Variants in ANKS1B observed in about 807,000 individuals in gnomAD.
The protein encoded by ANKS1B is ankyrin repeat and sterile alpha motif domain-containing protein 1B.
ANKS1B carries 36 observed loss-of-function variants against 148.3 expected under a neutral mutation model. The ratio of observed to expected loss-of-function variants is 0.24; its 90% CI spans 0.19 to 0.32. The LOEUF is 0.32. Among genes scored for constraint, ANKS1B ranks in the 10% least tolerant of loss-of-function variants. ANKS1B has a pLI of 1.00. For synonymous variants in ANKS1B, 542 were observed against 560.8 expected (o/e 0.97, Z 0.47); for missense variants, 1,157 against 1,542.6 (o/e 0.75, Z 4.19).
intron 1 of ANKS1B, among the ~76,000 whole-genome samples, chr12:99,901,131 A>G (rs2093584340): frequency 6.6e-6 from 1 of 152,214 alleles, no homozygotes; most frequent in Non-Finnish European, 1.5e-5. Flanking sequence ...ATACCAAGAA[A>G]ACCAAATGCT....
chr12:99,524,256 G>T (rs940411065), intron 9 of ANKS1B, among the ~76,000 whole-genome samples: 1 of 152,176 alleles, frequency 6.6e-6, no homozygotes, highest in Admixed American at 6.5e-5. Context: ...GATACTTTAG[G>T]TGGGAGCAAA....
chr12:99,428,991 A>T (rs1226403441), intron 11 of ANKS1B, among the ~76,000 whole-genome samples: 1 of 152,318 alleles, frequency 6.6e-6, no homozygotes, highest in African/African-American at 2.4e-5. Flanking sequence ...CAATAATAAT[A>T]ATAATGGAGT....
chr12:99,066,773 C>T (rs1347887394), intron 16 of ANKS1B, among the ~76,000 whole-genome samples: 1 of 152,108 alleles, frequency 6.6e-6, no homozygotes, highest in East Asian at 1.9e-4. Flanking sequence ...GACGGTAGAC[C>T]AGCATAATTT....
intron 11 of ANKS1B, among the ~76,000 whole-genome samples, chr12:99,442,419 A>G (rs2095564046): frequency 6.6e-6 from 1 of 151,872 alleles, no homozygotes; most frequent in Non-Finnish European, 1.5e-5. Context: ...CTGAACCTGC[A>G]TATTCCATAC....
Position 99,821,247 on chromosome 12 carries a change from T to C in ANKS1B, c.215+4062A>G, listed in dbSNP as rs1428185706. ...CACACAACTAGCAGAGATGGGGAGA[T>C]GGGGTTAGAATCTTCCTGCTTTTTC... On this transcript the variant is annotated intron_variant, in intron 2 of 26. Coordinates refer to ENST00000683438, the MANE Select transcript of ANKS1B (RefSeq NM_001352186.2). Among the ~76,000 whole-genome samples, 2 of 151,858 alleles carry C rather than the reference T, an allele frequency of 1.3e-5. 1 individual carries two copies. The highest frequency in any genetic ancestry group is 4.1e-4 in the South Asian group (2 of 4,824).
intron 1 of ANKS1B, among the ~76,000 whole-genome samples, chr12:99,951,562 C>T (rs747165698): frequency 1.6e-4 from 25 of 152,214 alleles, no homozygotes; most frequent in Non-Finnish European, 2.9e-4. Context: ...CTGGGGTAGG[C>T]TGGCTGTTAG....
intron 9 of ANKS1B, among the ~76,000 whole-genome samples, chr12:99,534,870 C>T (rs1223089238): frequency 6.6e-6 from 1 of 151,760 alleles, no homozygotes; most frequent in Non-Finnish European, 1.5e-5. Flanking sequence ...CCACCACACC[C>T]GGCTGATTTT....
chr12:99,905,024 T>C (rs912077156), intron 1 of ANKS1B, among the ~76,000 whole-genome samples: 16 of 152,348 alleles, frequency 1.1e-4, no homozygotes, highest in Admixed American at 6.5e-4. Flanking sequence ...TTTAATATGA[T>C]GCTATTTCCA....
At chr12:99,531,888 T>C (rs552552874) in intron 9 of ANKS1B, among the ~76,000 whole-genome samples, 2 of 152,362 alleles carry the variant, frequency 1.3e-5, no homozygotes, top group African/African-American at 4.8e-5. Context: ...TTTTTGAAAA[T>C]GGCCATTCTG....
chr12:99,114,706 C>T (rs118016700), intron 15 of ANKS1B, among the ~76,000 whole-genome samples: 17 of 151,790 alleles, frequency 1.1e-4, no homozygotes, highest in Admixed American at 5.2e-4. Flanking sequence ...GAGCCGAGAC[C>T]GTACCACTGT....
intron 5 of ANKS1B, among the ~76,000 whole-genome samples, chr12:99,781,580 A>G (rs2064329808): frequency 1.3e-5 from 2 of 152,228 alleles, no homozygotes; most frequent in African/African-American, 4.8e-5. Flanking sequence ...TGAACTAACT[A>G]GAAGGACAAT....
chr12:99,204,675 C>G (rs186447638), intron 14 of ANKS1B, among the ~76,000 whole-genome samples: 1 of 152,132 alleles, frequency 6.6e-6, no homozygotes, highest in Non-Finnish European at 1.5e-5. Context: ...TCTGTTTTGA[C>G]GATTCCCCCC....
chr12:99,163,607 A>G (rs1388774490), intron 14 of ANKS1B, among the ~76,000 whole-genome samples: 1 of 151,866 alleles, frequency 6.6e-6, no homozygotes, highest in Admixed American at 6.6e-5. Context: ...ACTTTTTTTT[A>G]TGGCCATAGC....
intron 10 of ANKS1B, among the ~76,000 whole-genome samples, chr12:99,466,066 A>C (rs2096106024): frequency 6.6e-6 from 1 of 152,212 alleles, no homozygotes; most frequent in African/African-American, 2.4e-5. Flanking sequence ...AATGTAAAAA[A>C]ACAGAAATTA....
chr12:99,917,223 C>T lies in ANKS1B; in HGVS notation c.134+66881G>A, dbSNP rs575948923. ...GATACAAGGAGGTCTGAGAAGGAGG[C>T]ATGTGGATGACCCTATAGGTGTGAA... On this transcript the variant is annotated intron_variant, in intron 1 of 26. Transcript: ENST00000683438. 7.2e-5 allele frequency among the ~76,000 whole-genome samples: 11 copies of T among 152,310 alleles called. No individual in the cohort carries two copies. The East Asian group carries it at 2.1e-3, about 29-fold the overall frequency.
chr12:99,687,820 GATTT>G (rs766413857), intron 8 of ANKS1B, among the ~76,000 whole-genome samples: 33 of 152,126 alleles, frequency 2.2e-4, no homozygotes, highest in Non-Finnish European at 4.4e-4. Context: ...TGTTTCTACT[GATTT>G]ATTTATTTTT....
rs561817078 is a variant in ANKS1B at position 99,653,459 on chromosome 12, A to G, written c.1272+1608T>C. On this transcript the variant is annotated intron_variant, in intron 9 of 26. Coordinates refer to ENST00000683438, the MANE Select transcript of ANKS1B (RefSeq NM_001352186.2). ...AGTTAAGGGTAAGCTAATAAAATAC[A>G]ACTTATGCTTGTTAATTTTCTTTCC... Among the ~76,000 whole-genome samples, 529 of 152,284 alleles carry G rather than the reference A, an allele frequency of 3.5e-3. 1 individual carries two copies. The highest frequency in any genetic ancestry group is 5.5e-3 in the Non-Finnish European group (374 of 68,020).
intron 10 of ANKS1B, among the ~76,000 whole-genome samples, chr12:99,471,669 C>G (rs1362890305): frequency 3.3e-5 from 5 of 151,740 alleles, no homozygotes; most frequent in Admixed American, 1.3e-4. Context: ...CACACACACA[C>G]ATACACACGC....
At chr12:98,869,939 T>C (rs1567349531) in intron 17 of ANKS1B, among the ~76,000 whole-genome samples, 1 of 152,114 alleles carries the variant, frequency 6.6e-6, no homozygotes, top group Non-Finnish European at 1.5e-5. Flanking sequence ...TATGGCAAAA[T>C]GTCCTGAAAA....
Sources: gnomAD v4.1 joint callset for allele counts (sites outside exome capture counted in the v4.1 genomes callset) on GRCh38, gnomAD v4.1.1 for gene constraint, MANE v1.5 for transcripts, NCBI Gene and HGNC (gene_info 2026-07-23, HGNC 2026-07-21) for gene names.